Variants in PSAP observed in about 807,000 individuals in gnomAD.
PSAP encodes the protein prosaposin, also known as precursor of saposins.
Under a neutral mutation model 66.0 loss-of-function variants are expected in PSAP, and 25 were observed. The ratio of observed to expected loss-of-function variants is 0.38; its 90% CI spans 0.28 to 0.53. The LOEUF (loss-of-function observed/expected upper bound fraction) is 0.53, where lower values mean the gene tolerates loss of function less well. PSAP is among the 20% of genes least tolerant of loss of function. The probability of loss-of-function intolerance (pLI) is 0.83; values close to 1 mark genes in which losing one functional copy is unlikely to be tolerated. For missense variants in PSAP, 649 were observed against 668.8 expected (o/e 0.97, Z 0.33); for synonymous variants, 273 against 258.9 (o/e 1.05, Z -0.52).
intron 1 of PSAP, among the ~76,000 whole-genome samples, chr10:71,849,574 G>A (rs541611034): frequency 2.6e-5 from 4 of 152,030 alleles, no homozygotes; most frequent in South Asian, 2.1e-4. Context: ...GCACCACTCC[G>A]GCCTGGGCAA....
intron 1 of PSAP, among the ~76,000 whole-genome samples, chr10:71,842,235 G>A (rs1842744835): frequency 1.3e-5 from 2 of 152,154 alleles, no homozygotes; most frequent in Non-Finnish European, 2.9e-5. Flanking sequence ...CATGTGACAT[G>A]ACATTGCAAC....
At chr10:71,820,837 A>C (rs903938541) in intron 8 of PSAP, among the ~76,000 whole-genome samples, 2 of 152,204 alleles carry the variant, frequency 1.3e-5, no homozygotes, top group African/African-American at 4.8e-5. Flanking sequence ...TAATAAGGCA[A>C]TACTGTTACA....
chr10:71,842,075 ATCT>A (rs2133063312), intron 1 of PSAP, among the ~76,000 whole-genome samples: 1 of 152,162 alleles, frequency 6.6e-6, no homozygotes, highest in South Asian at 2.1e-4. Context: ...TCTGCAAATC[ATCT>A]AAACCAGTGG....
chr10:71,818,696 T>G lies in PSAP; in HGVS notation c.1460A>C (p.Lys487Thr). ...LKIGACPSAH[K>T]PLLGTEKCIW... ...ACACTTCTCAGTTCCCAACAAGGGCTTATGGGCCGAGGGGCAGGCTCCAAT... is the reference window on the plus strand; with the variant it reads ...ACACTTCTCAGTTCCCAACAAGGGCGTATGGGCCGAGGGGCAGGCTCCAAT... The change falls in exon 13 of 14, where the codon AAG (lysine) becomes ACG (threonine). Residue 487 changes from lysine to threonine, a missense_variant. Coordinates refer to ENST00000394936, the MANE Select transcript of PSAP (RefSeq NM_002778.4). 6.2e-7 allele frequency: 1 copy of G among 1,614,116 alleles called. No individual in the cohort carries two copies. Among genetic ancestry groups the G allele is most frequent in the Non-Finnish European group, 8.5e-7 (1 of 1,180,012 alleles).
chr10:71,837,721 G>A (rs116498650), intron 1 of PSAP, among the ~76,000 whole-genome samples: 526 of 152,318 alleles, frequency 3.5e-3, no homozygotes, highest in African/African-American at 0.012. Context: ...GAATGGGAGC[G>A]GCAAGGCAAT....
At chr10:71,825,704 G>A (rs1005606487) in intron 7 of PSAP, 133 bp downstream of exon 7, 1 of 797,772 alleles carries the variant, frequency 1.3e-6, no homozygotes, top group Admixed American at 2.0e-5. Context: ...CTAGCCAGAG[G>A]GGTCGATTTA....
Position 71,819,639 on chromosome 10 carries a change from C to T in PSAP, c.1193-17G>A, listed in dbSNP as rs779860250. ...TCACGTGAACTACATAAGAGGGCAG[C>T]GGGCTCAACGCTGGCAGGGCCCTCC... On this transcript the variant is annotated splice_polypyrimidine_tract_variant and intron_variant, in intron 10 of 13. Coordinates refer to ENST00000394936, the MANE Select transcript of PSAP (RefSeq NM_002778.4). 1.2e-5 allele frequency: 19 copies of T among 1,613,956 alleles called. No homozygotes were observed. Among genetic ancestry groups the T allele is most frequent in the Admixed American group, 1.0e-4 (6 of 60,008 alleles).
chr10:71,820,752 G>C (rs186465049), intron 8 of PSAP, among the ~76,000 whole-genome samples: 23 of 152,306 alleles, frequency 1.5e-4, no homozygotes, highest in African/African-American at 4.8e-4. Flanking sequence ...ACAGAATGTT[G>C]AACACACTTC....
intron 3 of PSAP, among the ~76,000 whole-genome samples, chr10:71,831,454 T>A (rs537985097): frequency 6.6e-6 from 1 of 152,114 alleles, no homozygotes; most frequent in African/African-American, 2.4e-5. Context: ...AAAATGAAAA[T>A]CCCTGGACCT....
intron 1 of PSAP, among the ~76,000 whole-genome samples, chr10:71,843,433 G>A (rs753505632): frequency 2.0e-5 from 3 of 152,128 alleles, no homozygotes; most frequent in Non-Finnish European, 2.9e-5. Context: ...AGACTTACTC[G>A]TACAGAACAG....
At chr10:71,829,978 C>T (rs1842479211) in intron 4 of PSAP, among the ~76,000 whole-genome samples, 1 of 152,026 alleles carries the variant, frequency 6.6e-6, no homozygotes. Flanking sequence ...GGCTGGGCGA[C>T]AGAGTGAGAC....
intron 1 of PSAP, among the ~76,000 whole-genome samples, chr10:71,837,345 G>T (rs370133011): frequency 6.6e-6 from 1 of 152,200 alleles, no homozygotes; most frequent in Non-Finnish European, 1.5e-5. Context: ...GCTCCCAGCC[G>T]CCAAGAGGTG....
At chr10:71,849,409 C>T (rs1842881847) in intron 1 of PSAP, among the ~76,000 whole-genome samples, 1 of 152,130 alleles carries the variant, frequency 6.6e-6, no homozygotes, top group African/African-American at 2.4e-5. Flanking sequence ...TGGCAGCCAG[C>T]CCTTAAACTA....
chr10:71,836,869 A>G (rs933800910), intron 1 of PSAP, among the ~76,000 whole-genome samples: 138 of 152,324 alleles, frequency 9.1e-4, no homozygotes, highest in African/African-American at 3.2e-3. Flanking sequence ...TAGGAATGTG[A>G]AACAATAATC....
chr10:71,834,344 G>C (rs1442437901), intron 2 of PSAP, 28 bp downstream of exon 2: 1 of 1,612,632 alleles, frequency 6.2e-7, no homozygotes, highest in African/African-American at 1.3e-5. Context: ...GAGTGCTGCG[G>C]CTGGGACTGG....
intron 11 of PSAP, 161 bp from the exon 12 acceptor site, chr10:71,819,272 T>TTCAGG: frequency 9.9e-7 from 1 of 1,010,210 alleles, no homozygotes. Flanking sequence ...CCTATCTACA[T>TTCAGG]TTGGCCTCTC....
rs1589450860 is a variant in PSAP at position 71,827,953 on chromosome 10, G to A, written c.720+61C>T. 3 of 1,607,664 alleles carry A rather than the reference G, an allele frequency of 1.9e-6. No homozygotes were observed. The East Asian group carries it at 6.7e-5, about 36-fold the overall frequency. On this transcript the variant is annotated intron_variant, in intron 6 of 13. Transcript: ENST00000394936. ...GATGTTGTCTGAACGCCCTACTCCA[G>A]CCTCCACAGCCCAACTCCCAGGCCC...
intron 1 of PSAP, among the ~76,000 whole-genome samples, chr10:71,845,879 T>C (rs921822772): frequency 1.3e-5 from 2 of 152,194 alleles, no homozygotes; most frequent in Non-Finnish European, 2.9e-5. Context: ...CCCTCCTAAC[T>C]GCTGTCTACC....
chr10:71,841,772 G>A (rs1173947442), intron 1 of PSAP, among the ~76,000 whole-genome samples: 2 of 152,108 alleles, frequency 1.3e-5, no homozygotes, highest in East Asian at 1.9e-4. Context: ...TTGGGAGGCC[G>A]AGGCGAGTGG....
Sources: gnomAD v4.1 joint callset for allele counts (sites outside exome capture counted in the v4.1 genomes callset) on GRCh38, gnomAD v4.1.1 for gene constraint, MANE v1.5 for transcripts, NCBI Gene and HGNC (gene_info 2026-07-23, HGNC 2026-07-21) for gene names.